COL6A3: variants seen among roughly 807,000 people sequenced by gnomAD.
COL6A3 encodes the protein collagen alpha-3(VI) chain.
Under a neutral mutation model 274.1 loss-of-function variants are expected in COL6A3, and 137 were observed. That is an observed-to-expected ratio of 0.50 (90% CI 0.44 to 0.58). COL6A3 has a LOEUF of 0.58. COL6A3 is among the 20% of genes least tolerant of loss of function. COL6A3 has a pLI of 0.00. For synonymous variants in COL6A3, 1,650 were observed against 1,650.6 expected, an observed-to-expected ratio of 1.00 and a Z score of 0.01; for missense variants, 3,950 against 4,124.9, an observed-to-expected ratio of 0.96 and a Z score of 1.16.
At chr2:237,402,097 T>C (rs1469804578) in intron 1 of COL6A3, among the ~76,000 whole-genome samples, 3 of 152,194 alleles carry the variant, frequency 2.0e-5, no homozygotes, top group African/African-American at 7.2e-5. Context: ...GAGGATATTA[T>C]GCTAAGTGAA....
Position 237,334,802 on chromosome 2 carries a change from T to TA in COL6A3, c.9052dup (p.Tyr3018LeufsTer4). The stretch of plus-strand genomic sequence containing the variant: ...TGAGGTGACGGTGAGGTCATAAAAA[T>TA]AAGGACCGGGGGGCTCAGCCCTCTC... On this transcript the variant is annotated frameshift_variant, in exon 41 of 44. Coordinates refer to ENST00000295550, the MANE Select transcript of COL6A3 (RefSeq NM_004369.4). LOFTEE classifies it high-confidence loss of function. 6.2e-7 allele frequency: 1 copy of TA among 1,614,074 alleles called. No homozygotes were observed. Among genetic ancestry groups the TA allele is most frequent in the Non-Finnish European group, 8.5e-7 (1 of 1,180,000 alleles).
chr2:237,370,148 C>T (rs1042111712), intron 9 of COL6A3, among the ~76,000 whole-genome samples: 14 of 151,982 alleles, frequency 9.2e-5, no homozygotes, highest in East Asian at 1.9e-4. Context: ...AGGCATGAGC[C>T]GCCATGCCCA....
Position 237,374,395 on chromosome 2 carries a change from A to C in COL6A3, c.3679+17T>G, listed in dbSNP as rs553819631. 1.4e-5 allele frequency: 23 copies of C among 1,609,958 alleles called. No homozygotes were observed. The Admixed American group carries it at 3.5e-4, about 24-fold the overall frequency. On this transcript the variant is annotated intron_variant, in intron 8 of 43. Transcript: ENST00000295550. This position sits in a 1 kb window ranked among gnomAD's most constrained non-coding sequence, Gnocchi z 4.8. ...GACAATGACACTGAGTGAGGATGCA[A>C]AGAGTTCCCTGCGTACCTGGGCTCG...
intron 1 of COL6A3, among the ~76,000 whole-genome samples, chr2:237,412,483 G>C (rs1052673119): frequency 5.9e-5 from 9 of 152,334 alleles, no homozygotes; most frequent in African/African-American, 1.9e-4. Context: ...CCTGGCCTGG[G>C]CAAGGAATTC....
chr2:237,332,070 C>CATATATATATATAT lies in COL6A3; in HGVS notation c.9328+1366_9328+1379dup, dbSNP rs58082340. The stretch of plus-strand genomic sequence containing the variant: ...CCCCCCATCTCTCTCTCTCTCTCTA[C>CATATATATATATAT]ATATATATATATATATATATATATA... On this transcript the variant is annotated intron_variant, in intron 42 of 43. Coordinates refer to ENST00000295550, the MANE Select transcript of COL6A3 (RefSeq NM_004369.4). Among the ~76,000 whole-genome samples the CATATATATATATAT allele has an allele frequency of 1.2e-3, 42 of 35,156 alleles. 1 individual carries two copies. The highest frequency in any genetic ancestry group is 1.9e-3 in the Non-Finnish European group (28 of 14,364). 23.1% of individuals were successfully genotyped at this position (35,156 alleles called of 152,430 possible).
rs765644550 is a variant in COL6A3 at position 237,340,491 on chromosome 2, A to T, written c.8425T>A (p.Leu2809Met). 1.5e-5 allele frequency: 24 copies of T among 1,613,988 alleles called. No individual in the cohort carries two copies. Among genetic ancestry groups the T allele is most frequent in the Non-Finnish European group, 2.0e-5 (24 of 1,180,030 alleles). The change falls in exon 38 of 44, where the codon TTG (leucine) becomes ATG (methionine). Residue 2809 changes from leucine (L) to methionine (M), a missense_variant. By Grantham distance (15) the Leu-to-Met change is conservative. This residue lies in a region of COL6A3 where 1,284 missense variants were observed against 1,349.7 expected (regional missense o/e 0.95). Transcript: ENST00000295550. ...DKSTELNEEP[L>M]MRFGRLLPSF... ...GGCAACAGCCTCCCGAAGCGCATCA[A>T]AGGCTCCTCGTTGAGCTCGGTGGAC...
At position 237,351,355 on chromosome 2, in the gene COL6A3, G is replaced by A. The variant is rs572521348; in HGVS notation, c.6754-163C>T. On this transcript the variant is annotated intron_variant, in intron 26 of 43. Transcript: ENST00000295550. Reference sequence around the variant, plus strand: ...CACTCAGCTCTGAGCACGGGGCTACGGACTCAAATATAAACATGCACAGAA... The same window carrying A: ...CACTCAGCTCTGAGCACGGGGCTACAGACTCAAATATAAACATGCACAGAA... Among the ~76,000 whole-genome samples, 4 of 152,316 alleles carry A rather than the reference G, an allele frequency of 2.6e-5. No homozygotes were observed. The South Asian group carries it at 6.2e-4, about 24-fold the overall frequency.
At position 237,341,067 on chromosome 2, in the gene COL6A3, C is replaced by T. The variant is rs138285547; in HGVS notation, c.7849G>A (p.Asp2617Asn). ...RDRRAAGSDV[D>N]IDMAFILDSA... The stretch of plus-strand genomic sequence containing the variant: ...TCTAAGATGAAAGCCATGTCGATGT[C>T]CACATCGCTCCCTGCCGCTCTCCTG... The change falls in exon 38 of 44, where the codon GAC becomes AAC. Residue 2617 changes from aspartate (D) to asparagine (N), a missense_variant. This residue lies in a region of COL6A3 where 1,284 missense variants were observed against 1,349.7 expected (regional missense o/e 0.95). Transcript: ENST00000295550. 219 of 1,614,166 alleles carry T rather than the reference C, an allele frequency of 1.4e-4. 1 individual carries two copies. In the African/African-American group the frequency reaches 2.6e-3, roughly 19 times the overall value.
intron 9 of COL6A3, among the ~76,000 whole-genome samples, chr2:237,369,529 C>T (rs1334126970): frequency 2.6e-5 from 4 of 152,142 alleles, no homozygotes; most frequent in Non-Finnish European, 5.9e-5. Flanking sequence ...CTGTTGCTAC[C>T]AGAAGAGACC....
At chr2:237,339,206 A>AT in intron 38 of COL6A3, 89 bp from the exon 39 acceptor site, 1 of 916,982 alleles carries the variant, frequency 1.1e-6, no homozygotes, top group Non-Finnish European at 1.8e-6. Context: ...AATGAATCAC[A>AT]TAACATTTAT....
rs2270669 is a variant in COL6A3 at position 237,334,821 on chromosome 2, C to A, written c.9034G>T (p.Ala3012Ser). 3.1e-6 allele frequency: 5 copies of A among 1,613,990 alleles called. No individual in the cohort carries two copies. Among genetic ancestry groups the A allele is most frequent in the African/African-American group, 2.7e-5 (2 of 74,904 alleles). Residue 3012 changes from alanine (A) to serine (S), a missense_variant, in exon 41 of 44, where the codon GCT becomes TCT. Physicochemically the swap from Ala to Ser is moderately conservative, Grantham distance 99. Coordinates refer to ENST00000295550, the MANE Select transcript of COL6A3 (RefSeq NM_004369.4). The stretch of plus-strand genomic sequence containing the variant: ...TAAAAATAAGGACCGGGGGGCTCAG[C>A]CCTCTCCCAGTGGAGTTTGGCGCTG... The part of the protein sequence containing the change: ...ENSAKLHWER[A>S]EPPGPYFYDL...
At chr2:237,396,359 T>C (rs1246408434) in intron 2 of COL6A3, among the ~76,000 whole-genome samples, 1 of 152,200 alleles carries the variant, frequency 6.6e-6, no homozygotes, top group East Asian at 1.9e-4. Context: ...TTACTCTCAA[T>C]CATTGACTTC....
Position 237,377,021 on chromosome 2 carries a change from G to A in COL6A3, c.2821C>T (p.Leu941Phe), listed in dbSNP as rs1441141878. 1.2e-5 allele frequency: 19 copies of A among 1,614,088 alleles called. No homozygotes were observed. The highest frequency in any genetic ancestry group is 1.6e-5 in the Non-Finnish European group (19 of 1,180,048). ...GCGACCAGCAGCACCAGGAACTGAA[G>A]CACTCCATCCTCGATCCGGCTGCCA... The part of the protein sequence containing the change: ...SAGSRIEDGV[L>F]QFLVLLVAGR... Residue 941 changes from leucine (L) to phenylalanine (F), a missense_variant, in exon 7 of 44, where the codon CTT (leucine) becomes TTT (phenylalanine). By Grantham distance (22) the Leu-to-Phe change is conservative. Around this residue, in one of 5 missense-constraint regions of COL6A3, gnomAD observed 1,934 missense variants for 1,984.3 expected, o/e 0.97. Transcript: ENST00000295550.
At chr2:237,389,224 C>T (rs1200911624) in intron 3 of COL6A3, among the ~76,000 whole-genome samples, 1 of 152,106 alleles carries the variant, frequency 6.6e-6, no homozygotes, top group African/African-American at 2.4e-5. Context: ...GAATAGGGAT[C>T]GAGAAATCTA....
At position 237,377,290 on chromosome 2, in the gene COL6A3, T is replaced by C. The variant is rs2077874520; in HGVS notation, c.2552A>G (p.Gln851Arg). 6.2e-7 allele frequency: 1 copy of C among 1,603,752 alleles called. No homozygotes were observed. Among genetic ancestry groups the C allele is most frequent in the Non-Finnish European group, 8.5e-7 (1 of 1,179,976 alleles). ...GAGAAAGTCACGGACAACAGGGAAC[T>C]GGCCCACAAGATTGGCTGAGCCGTC... ...LFDGSANLVGQFPVVRDFLYK... is the reference protein window; with the variant it reads ...LFDGSANLVGRFPVVRDFLYK... Residue 851 changes from glutamine (Q) to arginine (R), a missense_variant, in exon 7 of 44, where the codon CAG becomes CGG. Coordinates refer to ENST00000295550, the MANE Select transcript of COL6A3 (RefSeq NM_004369.4).
chr2:237,353,464 T>G (rs1469835083), intron 24 of COL6A3, 61 bp from the exon 25 acceptor site: 2 of 1,435,508 alleles, frequency 1.4e-6, no homozygotes, highest in African/African-American at 2.8e-5. Context: ...GTCAGCTCTT[T>G]GCTCTACAGT....
intron 3 of COL6A3, 38 bp from the exon 4 acceptor site, chr2:237,388,222 A>G: frequency 6.2e-7 from 1 of 1,612,968 alleles, no homozygotes; most frequent in South Asian, 1.1e-5. Flanking sequence ...TGAAAGCATT[A>G]GAACAAGTGA....
chr2:237,358,727 A>C, intron 20 of COL6A3, 144 bp from the exon 21 acceptor site: 1 of 838,836 alleles, frequency 1.2e-6, no homozygotes, highest in Non-Finnish European at 2.0e-6. Context: ...ATTCACTTCC[A>C]CATATTTTTC....
intron 30 of COL6A3, 141 bp downstream of exon 30, chr2:237,348,208 G>T: frequency 1.3e-6 from 1 of 785,110 alleles, no homozygotes; most frequent in Non-Finnish European, 2.3e-6. Context: ...TTTTAGGGAA[G>T]GAAGGGTCTT....
Sources: gnomAD v4.1 joint callset for allele counts (sites outside exome capture counted in the v4.1 genomes callset) on GRCh38, gnomAD v4.1.1 for gene constraint, gnomAD v4.1.1 regional missense constraint, Gnocchi (gnomAD v3.1) non-coding constraint, MANE v1.5 for transcripts, NCBI Gene and HGNC (gene_info 2026-07-23, HGNC 2026-07-21) for gene names.